Variants in CFAP263 observed in about 807,000 individuals in gnomAD.
CFAP263 encodes the protein cilia- and flagella-associated protein 263.
the CFAP263 span, among the ~76,000 whole-genome samples, chr16:58,266,900 T>C: frequency 6.6e-5 from 10 of 152,278 alleles, no homozygotes; most frequent in Non-Finnish European, 1.3e-4. Context: ...TGGTGGAGCC[T>C]GTGGGCTGTG....
At chr16:58,250,972 T>C in the CFAP263 span, among the ~76,000 whole-genome samples, 624 of 152,282 alleles carry the variant, frequency 4.1e-3, 3 homozygotes, top group Non-Finnish European at 6.9e-3. Context: ...CTATAGCAAG[T>C]AAATTGGATA....
At chr16:58,252,725 A>C in the CFAP263 span, 101 of 1,612,936 alleles carry the variant, frequency 6.3e-5, no homozygotes, top group Non-Finnish European at 4.2e-6. Context: ...CCTGTCTTGC[A>C]GCTATGTAAA....
the CFAP263 span, chr16:58,262,483 A>G: frequency 2.5e-6 from 4 of 1,613,668 alleles, no homozygotes; most frequent in Non-Finnish European, 3.4e-6. Flanking sequence ...GGAATCAAGA[A>G]CTGACCCAGC....
At chr16:58,252,569 C>T in the CFAP263 span, among the ~76,000 whole-genome samples, 1 of 152,082 alleles carries the variant, frequency 6.6e-6, no homozygotes, top group African/African-American at 2.4e-5. Context: ...TATTGGAACC[C>T]TAAAAGTTAA....
the CFAP263 span, among the ~76,000 whole-genome samples, chr16:58,269,581 A>T: frequency 6.6e-6 from 1 of 152,212 alleles, no homozygotes; most frequent in East Asian, 1.9e-4. Flanking sequence ...AAAAGAGATT[A>T]TACAATAGGT....
chr16:58,267,082 G>A, the CFAP263 span, among the ~76,000 whole-genome samples: 3 of 152,200 alleles, frequency 2.0e-5, no homozygotes, highest in African/African-American at 7.2e-5. Context: ...CATGGCAGCT[G>A]TTTGTCGTAT....
the CFAP263 span, chr16:58,280,527 G>A: frequency 6.2e-7 from 1 of 1,614,178 alleles, no homozygotes; most frequent in African/African-American, 1.3e-5. Flanking sequence ...TCTGTGTCAT[G>A]GTGGCATTTG....
chr16:58,279,883 C>A, the CFAP263 span: 1 of 898,184 alleles, frequency 1.1e-6, no homozygotes, highest in Non-Finnish European at 1.7e-6. Context: ...CTGGTGTTCC[C>A]AACCCCCCAC....
the CFAP263 span, among the ~76,000 whole-genome samples, chr16:58,254,435 AT>A: frequency 6.6e-6 from 1 of 152,208 alleles, no homozygotes; most frequent in African/African-American, 2.4e-5. Context: ...TGGAATGATC[AT>A]CAACATATGG....
the CFAP263 span, chr16:58,278,613 G>A: frequency 6.2e-7 from 1 of 1,614,226 alleles, no homozygotes; most frequent in Non-Finnish European, 8.5e-7. Flanking sequence ...TCAGGATGTG[G>A]GAAAGGAAAG....
chr16:58,275,401 A>G, the CFAP263 span, among the ~76,000 whole-genome samples: 1 of 151,952 alleles, frequency 6.6e-6, no homozygotes, highest in Non-Finnish European at 1.5e-5. Context: ...TCTGTGAAAT[A>G]TGATATTCCA....
chr16:58,266,708 G>C, the CFAP263 span, among the ~76,000 whole-genome samples: 2 of 151,976 alleles, frequency 1.3e-5, no homozygotes, highest in African/African-American at 2.4e-5. Flanking sequence ...GCACATCCCA[G>C]CTCCTCTGGA....
At chr16:58,259,828 C>A in the CFAP263 span, 2 of 1,374,980 alleles carry the variant, frequency 1.5e-6, no homozygotes, top group Admixed American at 1.8e-5. Flanking sequence ...GGATTAAATG[C>A]ATTAAAATAT....
the CFAP263 span, among the ~76,000 whole-genome samples, chr16:58,257,918 G>A: frequency 4.6e-5 from 7 of 151,950 alleles, no homozygotes; most frequent in South Asian, 1.5e-3. Context: ...GACCAGCTGG[G>A]CCAACTTGGT....
At chr16:58,256,900 G>A in the CFAP263 span, among the ~76,000 whole-genome samples, 3 of 151,090 alleles carry the variant, frequency 2.0e-5, no homozygotes, top group Non-Finnish European at 4.4e-5. Flanking sequence ...GAAAAATACA[G>A]TTAAGCTAAA....
the CFAP263 span, among the ~76,000 whole-genome samples, chr16:58,266,194 C>A: frequency 7.3e-5 from 11 of 151,674 alleles, no homozygotes; most frequent in Admixed American, 3.3e-4. Flanking sequence ...TGTTTTGACA[C>A]CCCGGGGCAA....
chr16:58,277,509 G>C, the CFAP263 span, among the ~76,000 whole-genome samples: 1 of 152,180 alleles, frequency 6.6e-6, no homozygotes, highest in Non-Finnish European at 1.5e-5. Context: ...ATATTTAAAA[G>C]ACAAGGATTA....
the CFAP263 span, among the ~76,000 whole-genome samples, chr16:58,274,632 C>T: frequency 1.3e-5 from 2 of 152,160 alleles, no homozygotes; most frequent in African/African-American, 2.4e-5. Flanking sequence ...TGCTACCTTG[C>T]GAAAATGTGC....
chr16:58,278,332 G>A, the CFAP263 span: 2 of 688,494 alleles, frequency 2.9e-6, no homozygotes, highest in Admixed American at 2.9e-5. Flanking sequence ...TCAGAATCTT[G>A]TGATTCCCAC....
Sources: gnomAD v4.1 joint callset for allele counts (sites outside exome capture counted in the v4.1 genomes callset) on GRCh38, gnomAD v4.1.1 for gene constraint, MANE v1.5 for transcripts, NCBI Gene and HGNC (gene_info 2026-07-23, HGNC 2026-07-21) for gene names.